ERBB4: variants seen among roughly 807,000 people sequenced by gnomAD.
ERBB4 encodes the protein receptor tyrosine-protein kinase erbB-4.
In ERBB4, 42 loss-of-function variants were observed where a neutral mutation model predicts 158.0. The observed-to-expected ratio is 0.27, with a 90% CI of 0.21 to 0.34. The LOEUF (loss-of-function observed/expected upper bound fraction) is 0.34, where lower values mean the gene tolerates loss of function less well. Ranked by LOEUF, ERBB4 falls within the 10% of genes least tolerant of loss-of-function variation. ERBB4 has a pLI of 1.00. For synonymous variants in ERBB4, 583 were observed against 558.7 expected, an observed-to-expected ratio of 1.04 and a Z score of -0.61; for missense variants, 1,333 against 1,624.1, an observed-to-expected ratio of 0.82 and a Z score of 3.08.
chr2:212,232,249 GC>G (rs1336610391), intron 1 of ERBB4, among the ~76,000 whole-genome samples: 1 of 152,006 alleles, frequency 6.6e-6, no homozygotes, highest in Non-Finnish European at 1.5e-5. Context: ...GTTTCATAAT[GC>G]TTAAATATTC....
chr2:212,059,608 G>A (rs1300272684), intron 2 of ERBB4, among the ~76,000 whole-genome samples: 2 of 152,050 alleles, frequency 1.3e-5, no homozygotes, highest in African/African-American at 4.8e-5. Context: ...TAGACCAATG[G>A]AACAGAACAG....
At chr2:212,195,572 A>G (rs2082402435) in intron 1 of ERBB4, among the ~76,000 whole-genome samples, 1 of 152,042 alleles carries the variant, frequency 6.6e-6, no homozygotes, top group South Asian at 2.1e-4. Context: ...TTTATTAAAA[A>G]TAGAGGTGGT....
At chr2:211,669,216 C>CAAAAAAAAAAA (rs71054124) in intron 14 of ERBB4, among the ~76,000 whole-genome samples, 7 of 56,100 alleles carry the variant, frequency 1.2e-4, no homozygotes, top group East Asian at 6.0e-4. Context: ...GAGTGAGTCT[C>CAAAAAAAAAAA]AAAAAAAAAA....
At chr2:211,559,890 C>T (rs186233986) in intron 20 of ERBB4, among the ~76,000 whole-genome samples, 1 of 152,152 alleles carries the variant, frequency 6.6e-6, no homozygotes, top group South Asian at 2.1e-4. Context: ...ATGACATTTA[C>T]GTAATATGAA....
At chr2:212,114,058 A>C (rs562219345) in intron 2 of ERBB4, among the ~76,000 whole-genome samples, 2 of 152,298 alleles carry the variant, frequency 1.3e-5, no homozygotes, top group Non-Finnish European at 2.9e-5. Flanking sequence ...CATGATAGAC[A>C]CTGTGTACTA....
rs1037936391 is a variant in ERBB4 at position 211,413,960 on chromosome 2, C to T, written c.3135+6481G>A. On this transcript the variant is annotated intron_variant, in intron 25 of 27. Coordinates refer to ENST00000342788, the MANE Select transcript of ERBB4 (RefSeq NM_005235.3). Reference sequence around the variant, plus strand: ...CCTCCCCTGGATAAGGCGCAAATTCCTGGTGGTTCCACCCCATTCCCCCAG... The same window carrying T: ...CCTCCCCTGGATAAGGCGCAAATTCTTGGTGGTTCCACCCCATTCCCCCAG... Among the ~76,000 whole-genome samples the T allele has an allele frequency of 2.6e-5, 4 of 151,782 alleles. No individual in the cohort carries two copies. The South Asian group carries it at 8.3e-4, about 32-fold the overall frequency.
At chr2:211,579,400 A>C (rs1047236461) in intron 19 of ERBB4, among the ~76,000 whole-genome samples, 3 of 152,192 alleles carry the variant, frequency 2.0e-5, no homozygotes, top group African/African-American at 7.2e-5. Context: ...CAAATCCTCA[A>C]AGATGTAAAA....
intron 19 of ERBB4, among the ~76,000 whole-genome samples, chr2:211,618,821 C>T (rs998786434): frequency 3.3e-5 from 5 of 151,900 alleles, no homozygotes; most frequent in African/African-American, 4.8e-5. Context: ...ATTGGTTTTC[C>T]GTTGAAATTA....
intron 25 of ERBB4, among the ~76,000 whole-genome samples, chr2:211,400,945 A>T (rs1459363001): frequency 6.6e-6 from 1 of 152,224 alleles, no homozygotes; most frequent in Middle Eastern, 3.4e-3. Context: ...AAAAATTTTT[A>T]AAAAGTTTAA....
At chr2:211,931,367 C>A (rs1215817925) in intron 3 of ERBB4, among the ~76,000 whole-genome samples, 1 of 151,990 alleles carries the variant, frequency 6.6e-6, no homozygotes, top group African/African-American at 2.4e-5. Flanking sequence ...ACAGAACAAT[C>A]AAACCCTAAT....
chr2:212,235,641 T>G (rs1333770235), intron 1 of ERBB4, among the ~76,000 whole-genome samples: 1 of 152,250 alleles, frequency 6.6e-6, no homozygotes, highest in Non-Finnish European at 1.5e-5. Flanking sequence ...CTTTCTTATT[T>G]CCTTAAACAG....
chr2:211,832,187 T>C (rs2105973376), intron 3 of ERBB4, among the ~76,000 whole-genome samples: 1 of 152,262 alleles, frequency 6.6e-6, no homozygotes, highest in South Asian at 2.1e-4. Flanking sequence ...AAATATTAAC[T>C]ATTATGTCTT....
At chr2:211,889,213 G>C (rs1018541913) in intron 3 of ERBB4, among the ~76,000 whole-genome samples, 6 of 144,978 alleles carry the variant, frequency 4.1e-5, no homozygotes, top group Admixed American at 6.7e-5. Flanking sequence ...AGAACCCGCA[G>C]ACTGCCTCCT....
intron 4 of ERBB4, among the ~76,000 whole-genome samples, chr2:211,787,501 T>A (rs2076192239): frequency 6.6e-6 from 1 of 152,204 alleles, no homozygotes; most frequent in Admixed American, 6.5e-5. Flanking sequence ...GTTTCTTCTA[T>A]ATGAAATCTA....
At chr2:212,448,655 A>G (rs1245444863) in intron 1 of ERBB4, among the ~76,000 whole-genome samples, 1 of 152,146 alleles carries the variant, frequency 6.6e-6, no homozygotes, top group Non-Finnish European at 1.5e-5. Flanking sequence ...GAGATTCTAT[A>G]CTGCATCCTA....
intron 1 of ERBB4, among the ~76,000 whole-genome samples, chr2:212,278,813 T>G (rs759582468): frequency 1.3e-5 from 2 of 151,664 alleles, no homozygotes; most frequent in Non-Finnish European, 3.0e-5. Flanking sequence ...CTTGCCTCAA[T>G]TCCTAGCATA....
chr2:211,654,089 C>T (rs1376094275), intron 16 of ERBB4, among the ~76,000 whole-genome samples: 5 of 152,242 alleles, frequency 3.3e-5, no homozygotes, highest in Middle Eastern at 3.4e-3. Context: ...ATTAAATTAG[C>T]GCTCTGCTTT....
intron 12 of ERBB4, among the ~76,000 whole-genome samples, chr2:211,701,185 T>G (rs907490591): frequency 6.6e-6 from 1 of 152,242 alleles, no homozygotes; most frequent in Non-Finnish European, 1.5e-5. Flanking sequence ...ATAAACTTTC[T>G]TTCTGAAAAA....
Position 211,477,656 on chromosome 2 carries a change from TATA to T in ERBB4, c.2488-46559_2488-46557del, listed in dbSNP as rs2064988159. Among the ~76,000 whole-genome samples, 5 of 152,224 alleles carry T rather than the reference TATA, an allele frequency of 3.3e-5. No homozygotes were observed. In the South Asian group the frequency reaches 8.3e-4, roughly 25 times the overall value. ...TTTTTCTAGATCTGTGTTAGATTTTTATAATAAGAAAGCAAAAGAAACTAGAGA... is the reference window on the plus strand; with the variant it reads ...TTTTTCTAGATCTGTGTTAGATTTTTATAAGAAAGCAAAAGAAACTAGAGA... On this transcript the variant is annotated intron_variant, in intron 20 of 27. Transcript: ENST00000342788.
Sources: gnomAD v4.1 joint callset for allele counts (sites outside exome capture counted in the v4.1 genomes callset) on GRCh38, gnomAD v4.1.1 for gene constraint, MANE v1.5 for transcripts, NCBI Gene and HGNC (gene_info 2026-07-23, HGNC 2026-07-21) for gene names.